Variants in EPYC observed in about 807,000 individuals in gnomAD.
EPYC encodes epiphycan.
In EPYC, 28 loss-of-function variants were observed where a neutral mutation model predicts 30.1. The observed-to-expected ratio is 0.93, with a 90% CI of 0.69 to 1.28. The LOEUF is 1.28. EPYC is among the 50% of genes most tolerant of loss of function. The pLI is 0.00. For missense variants in EPYC, 382 were observed against 383.5 expected (o/e 1.00, Z 0.03); for synonymous variants, 144 against 141.4 (o/e 1.02, Z -0.13).
At chr12:91,000,282 G>C (rs1877792418) in intron 2 of EPYC, among the ~76,000 whole-genome samples, 1 of 152,044 alleles carries the variant, frequency 6.6e-6, no homozygotes, top group South Asian at 2.1e-4. Flanking sequence ...TGTGGTAAAG[G>C]CTGAAGTATG....
At chr12:90,999,547 AT>A (rs1224893785) in intron 2 of EPYC, among the ~76,000 whole-genome samples, 4 of 152,006 alleles carry the variant, frequency 2.6e-5, no homozygotes, top group South Asian at 4.1e-4. Context: ...CTTACCATGG[AT>A]TTTTTTCTTT....
chr12:90,983,817 A>G (rs1877382436), intron 2 of EPYC, among the ~76,000 whole-genome samples: 1 of 152,112 alleles, frequency 6.6e-6, no homozygotes, highest in Non-Finnish European at 1.5e-5. Flanking sequence ...GATTTCTAGC[A>G]TAAATTTTGG....
At chr12:90,987,748 T>C (rs1206910966) in intron 2 of EPYC, among the ~76,000 whole-genome samples, 1 of 152,162 alleles carries the variant, frequency 6.6e-6, no homozygotes, top group Admixed American at 6.5e-5. Flanking sequence ...ACCACTCCAT[T>C]GCACAACTCT....
chr12:90,968,801 C>CT (rs1471401878), intron 6 of EPYC, among the ~76,000 whole-genome samples: 3 of 151,892 alleles, frequency 2.0e-5, no homozygotes, highest in African/African-American at 4.8e-5. Context: ...TCTAAAATCT[C>CT]TAAGTACTCC....
rs948496946 is a variant in EPYC at position 90,970,288 on chromosome 12, G to A, written c.703-149C>T. The A allele has an allele frequency of 1.5e-5, 9 of 608,142 alleles. No individual in the cohort carries two copies. In the Admixed American group the frequency reaches 2.6e-4, roughly 17 times the overall value. 37.7% of individuals were successfully genotyped at this position (608,142 alleles called of 1,614,324 possible). ...TTCAGGTCTTGTTTTGTAAAGTTGA[G>A]GCAGCTTAGTTTTCTGAGTTACTAG... On this transcript the variant is annotated intron_variant, in intron 5 of 6. Coordinates refer to ENST00000261172, the MANE Select transcript of EPYC (RefSeq NM_004950.5).
intron 6 of EPYC, among the ~76,000 whole-genome samples, chr12:90,967,336 T>C (rs530350764): frequency 1.6e-3 from 245 of 152,128 alleles, no homozygotes; most frequent in South Asian, 3.5e-3. Flanking sequence ...TTTAACTTTC[T>C]TGAGATTTCT....
chr12:90,966,661 A>G (rs989066098), intron 6 of EPYC, among the ~76,000 whole-genome samples: 39 of 152,130 alleles, frequency 2.6e-4, no homozygotes, highest in African/African-American at 8.2e-4. Context: ...TGGGTTAGGA[A>G]GGAAATGTTC....
intron 2 of EPYC, among the ~76,000 whole-genome samples, chr12:90,982,289 A>G (rs1877341516): frequency 6.6e-6 from 1 of 152,134 alleles, no homozygotes; most frequent in African/African-American, 2.4e-5. Flanking sequence ...AAACAGCTTT[A>G]TGGAGATGTA....
intron 2 of EPYC, among the ~76,000 whole-genome samples, chr12:90,980,116 A>T (rs1877290971): frequency 6.6e-6 from 1 of 152,164 alleles, no homozygotes. Flanking sequence ...AGACCAAAGG[A>T]GGCTCCAGGA....
chr12:90,988,463 C>T (rs1592629183), intron 2 of EPYC, among the ~76,000 whole-genome samples: 1 of 152,042 alleles, frequency 6.6e-6, no homozygotes, highest in South Asian at 2.1e-4. Flanking sequence ...CCATTCAGTC[C>T]AGTAAAGAGA....
chr12:90,971,561 A>G (rs1341535171), intron 5 of EPYC, among the ~76,000 whole-genome samples: 2 of 151,888 alleles, frequency 1.3e-5, no homozygotes, highest in Non-Finnish European at 2.9e-5. Flanking sequence ...AGTCCCAGCT[A>G]CTTGGGAGGC....
intron 1 of EPYC, among the ~76,000 whole-genome samples, chr12:91,003,504 TTTGAGGATTCAATCAAGATCC>T (rs1268357145): frequency 7.2e-5 from 11 of 152,078 alleles, no homozygotes; most frequent in African/African-American, 2.4e-4. Context: ...CATTATGCTT[TTTGAGGATTCAATCAAGATCC>T]TATAATTTAA....
intron 2 of EPYC, among the ~76,000 whole-genome samples, chr12:90,998,056 A>G (rs1200159887): frequency 6.6e-6 from 1 of 152,088 alleles, no homozygotes; most frequent in Non-Finnish European, 1.5e-5. Flanking sequence ...CAAGTTACTT[A>G]CCTAACTACT....
chr12:90,969,824 G>A (rs145897232), intron 6 of EPYC, among the ~76,000 whole-genome samples: 3 of 152,076 alleles, frequency 2.0e-5, no homozygotes, highest in African/African-American at 7.2e-5. Flanking sequence ...AAGAAAAAGA[G>A]TAAAGTTATC....
chr12:90,986,553 CT>C (rs1406462150), intron 2 of EPYC, among the ~76,000 whole-genome samples: 5 of 152,140 alleles, frequency 3.3e-5, no homozygotes, highest in Non-Finnish European at 7.4e-5. Context: ...ACATTGCAAA[CT>C]TTCATTTGTC....
intron 1 of EPYC, among the ~76,000 whole-genome samples, chr12:91,004,329 G>A (rs1315914208): frequency 6.6e-6 from 1 of 152,004 alleles, no homozygotes; most frequent in African/African-American, 2.4e-5. Context: ...TATAAGGCAG[G>A]CTGTGTGAAT....
chr12:90,974,029 T>TACACACAC lies in EPYC; in HGVS notation c.341-1057_341-1050dup, dbSNP rs200299078. The stretch of plus-strand genomic sequence containing the variant: ...ACATACTGATTTTTCTTTTCTGTCT[T>TACACACAC]ACACACACTCACACACACACACACA... On this transcript the variant is annotated intron_variant, in intron 3 of 6. Coordinates refer to ENST00000261172, the MANE Select transcript of EPYC (RefSeq NM_004950.5). Among the ~76,000 whole-genome samples the TACACACAC allele has an allele frequency of 4.0e-3, 321 of 81,090 alleles. 1 individual carries two copies. The highest frequency in any genetic ancestry group is 5.4e-3 in the African/African-American group (130 of 23,894). The allele number at this position is 81,090 out of a possible 152,430, so 53.2% of individuals were successfully genotyped here.
chr12:90,979,018 T>A (rs1877264616), intron 2 of EPYC, among the ~76,000 whole-genome samples: 1 of 152,172 alleles, frequency 6.6e-6, no homozygotes, highest in African/African-American at 2.4e-5. Flanking sequence ...GGTTTTTTTT[T>A]ATATTATATT....
At chr12:91,003,578 G>C (rs533692126) in intron 1 of EPYC, among the ~76,000 whole-genome samples, 2 of 151,388 alleles carry the variant, frequency 1.3e-5, no homozygotes, top group Admixed American at 1.3e-4. Flanking sequence ...ATACATTTTG[G>C]TTTAGAAAAA....
Sources: gnomAD v4.1 joint callset for allele counts (sites outside exome capture counted in the v4.1 genomes callset) on GRCh38, gnomAD v4.1.1 for gene constraint, MANE v1.5 for transcripts, NCBI Gene and HGNC (gene_info 2026-07-23, HGNC 2026-07-21) for gene names.